Variants in PPP1R12A observed in about 807,000 individuals in gnomAD.
The protein encoded by PPP1R12A is myosin binding subunit.
Under a neutral mutation model 139.6 loss-of-function variants are expected in PPP1R12A, and 19 were observed. The observed-to-expected ratio is 0.14, with a 90% CI of 0.09 to 0.20. The LOEUF is 0.20. Ranked by LOEUF, PPP1R12A falls within the 10% of genes least tolerant of loss-of-function variation. The probability of loss-of-function intolerance (pLI) is 1.00; values close to 1 mark genes in which losing one functional copy is unlikely to be tolerated. For missense variants in PPP1R12A, 925 were observed against 1,211.5 expected (o/e 0.76, Z 3.51); for synonymous variants, 427 against 420.6 (o/e 1.02, Z -0.19).
In PPP1R12A at chr12:79,809,822, A is replaced by C. The variant is rs773701225; in HGVS notation, c.1428T>G (p.Leu476=). The change falls in exon 10 of 25, where the codon CTT becomes CTG. Residue 476 remains leucine, a synonymous_variant. Transcript: ENST00000450142. ...GVTRSASSPR[L]SSSLDNKEKE... is the part of the protein sequence containing the mutation. ...TTTCTTTATTATCCAAAGAGGAGGA[A>C]AGTCTGGGACTTGAAGCTGAACGTG... The C allele has an allele frequency of 6.2e-7, 1 of 1,613,110 alleles. No homozygotes were observed. Among genetic ancestry groups the C allele is most frequent in the Non-Finnish European group, 8.5e-7 (1 of 1,179,344 alleles).
intron 19 of PPP1R12A, among the ~76,000 whole-genome samples, chr12:79,792,785 GT>G (rs1306153095): frequency 1.3e-5 from 2 of 152,086 alleles, no homozygotes; most frequent in South Asian, 2.1e-4. Context: ...CTCCCCTCTT[GT>G]TTAATAAAGA....
chr12:79,878,977 T>C (rs888527913), intron 1 of PPP1R12A, among the ~76,000 whole-genome samples: 2 of 152,216 alleles, frequency 1.3e-5, no homozygotes, highest in African/African-American at 2.4e-5. Context: ...CACTTTTATT[T>C]TCTTCCTTAA....
intron 21 of PPP1R12A, chr12:79,787,531 A>G (rs1430421245): frequency 2.0e-5 from 3 of 151,814 alleles, no homozygotes; most frequent in Admixed American, 6.6e-5. Context: ...TTTTTTTGAG[A>G]TAACAGTTTT....
Position 79,817,496 on chromosome 12 carries a change from A to G in PPP1R12A, c.1137T>C (p.Ser379=). 1 of 1,596,148 alleles carries G rather than the reference A, an allele frequency of 6.3e-7. No individual in the cohort carries two copies. The highest frequency in any genetic ancestry group is 8.5e-7 in the Non-Finnish European group (1 of 1,169,806). ...AETDKTKPLA[S]VTNANTSSTQ... is the part of the protein sequence containing the mutation. Reference sequence around the variant, plus strand: ...TACTAGAAGTGTTGGCATTAGTTACAGAAGCCAGGGGTTTTGTCTTATCTA... The same window carrying G: ...TACTAGAAGTGTTGGCATTAGTTACGGAAGCCAGGGGTTTTGTCTTATCTA... Residue 379 remains serine (S), a synonymous_variant, in exon 9 of 25, where the codon TCT becomes TCC. Coordinates refer to ENST00000450142, the MANE Select transcript of PPP1R12A (RefSeq NM_002480.3).
intron 12 of PPP1R12A, 54 bp from the exon 13 acceptor site, chr12:79,806,387 T>A: frequency 6.8e-7 from 1 of 1,481,006 alleles, no homozygotes; most frequent in Non-Finnish European, 9.2e-7. Flanking sequence ...TATTCTATAG[T>A]TAATGTCTAT....
In PPP1R12A at chr12:79,886,790, A is replaced by G. The variant is rs765459912; in HGVS notation, c.238-13852T>C. 3.4e-4 allele frequency among the ~76,000 whole-genome samples: 52 copies of G among 152,232 alleles called. 2 individuals carry two copies. The highest frequency in any genetic ancestry group is 3.3e-4 in the Admixed American group (5 of 15,282). Reference sequence around the variant, plus strand: ...CATTCAACAAATACTATATATTTGAATGAGAATGCCAAAAACTAGAAACCA... The same window carrying G: ...CATTCAACAAATACTATATATTTGAGTGAGAATGCCAAAAACTAGAAACCA... On this transcript the variant is annotated intron_variant, in intron 1 of 24. Coordinates refer to ENST00000450142, the MANE Select transcript of PPP1R12A (RefSeq NM_002480.3).
At chr12:79,823,962 G>A (rs1876457602) in intron 5 of PPP1R12A, 1 of 152,150 alleles carries the variant, frequency 6.6e-6, no homozygotes, top group Admixed American at 6.6e-5. Flanking sequence ...AAATTTACAA[G>A]ATTCGAAAAT....
chr12:79,891,793 T>A (rs1365899636), intron 1 of PPP1R12A, among the ~76,000 whole-genome samples: 1 of 152,186 alleles, frequency 6.6e-6, no homozygotes, highest in Non-Finnish European at 1.5e-5. Context: ...AAGCCAAATG[T>A]CATGCTGGAA....
intron 11 of PPP1R12A, among the ~76,000 whole-genome samples, chr12:79,807,807 G>A (rs1051354941): frequency 6.6e-6 from 1 of 152,010 alleles, no homozygotes; most frequent in South Asian, 2.1e-4. Context: ...GAGAGGCCGA[G>A]ACAGGTGGAT....
intron 3 of PPP1R12A, among the ~76,000 whole-genome samples, chr12:79,835,202 C>T (rs566116161): frequency 6.6e-6 from 1 of 152,254 alleles, no homozygotes; most frequent in African/African-American, 2.4e-5. Context: ...CTTTTGGACT[C>T]TGGGACTTGC....
chr12:79,834,551 C>CT (rs1247505258), intron 3 of PPP1R12A, among the ~76,000 whole-genome samples: 3 of 152,102 alleles, frequency 2.0e-5, no homozygotes, highest in African/African-American at 7.2e-5. Flanking sequence ...AGAGAATTTG[C>CT]TGTTAGTTTG....
At position 79,775,285 on chromosome 12, in the gene PPP1R12A, T is replaced by C. The variant is rs1399148429; in HGVS notation, c.*644A>G. ...ATATTGCACAAACAGTGAAAGCATATGTTCCACCAAGCAATTCAGTTCCAG... is the reference window on the plus strand; with the variant it reads ...ATATTGCACAAACAGTGAAAGCATACGTTCCACCAAGCAATTCAGTTCCAG... On this transcript the variant is annotated 3_prime_UTR_variant, in exon 25 of 25. Coordinates refer to ENST00000450142, the MANE Select transcript of PPP1R12A (RefSeq NM_002480.3). The C allele has an allele frequency of 6.6e-6, 1 of 152,504 alleles. No homozygotes were observed. Among genetic ancestry groups the C allele is most frequent in the Non-Finnish European group, 1.5e-5 (1 of 67,984 alleles). 9.4% of individuals were successfully genotyped at this position (152,504 alleles called of 1,614,324 possible). A position where few individuals can be genotyped will look rare whatever the true frequency, so the allele number is the denominator to read the frequency against.
At chr12:79,912,866 T>C (rs1016594374) in intron 1 of PPP1R12A, among the ~76,000 whole-genome samples, 1 of 152,182 alleles carries the variant, frequency 6.6e-6, no homozygotes, top group Non-Finnish European at 1.5e-5. Context: ...TGTTAATCCA[T>C]AGAGTACGTT....
intron 13 of PPP1R12A, 40 bp downstream of exon 13, chr12:79,806,126 C>T (rs769068138): frequency 6.3e-7 from 1 of 1,594,644 alleles, no homozygotes; most frequent in African/African-American, 1.3e-5. Context: ...CATACATAAG[C>T]ACACAGTAGA....
intron 1 of PPP1R12A, among the ~76,000 whole-genome samples, chr12:79,916,939 G>A (rs1164735722): frequency 6.6e-6 from 1 of 150,750 alleles, no homozygotes; most frequent in Non-Finnish European, 1.5e-5. Flanking sequence ...AGATCCAAAA[G>A]TAACATAATT....
chr12:79,790,952 A>G (rs1170078422), intron 19 of PPP1R12A, among the ~76,000 whole-genome samples: 1 of 152,152 alleles, frequency 6.6e-6, no homozygotes, highest in Non-Finnish European at 1.5e-5. Context: ...ATACTGTAAA[A>G]TTACTAGGTT....
chr12:79,892,308 C>G (rs1884727166), intron 1 of PPP1R12A, among the ~76,000 whole-genome samples: 1 of 152,040 alleles, frequency 6.6e-6, no homozygotes, highest in African/African-American at 2.4e-5. Flanking sequence ...TTAAACATGC[C>G]CAATCCGAAA....
intron 2 of PPP1R12A, among the ~76,000 whole-genome samples, chr12:79,866,692 T>C (rs1882000688): frequency 6.6e-6 from 1 of 152,180 alleles, no homozygotes; most frequent in Admixed American, 6.5e-5. Flanking sequence ...AGAAGACATT[T>C]ATGCAGCCAA....
intron 1 of PPP1R12A, among the ~76,000 whole-genome samples, chr12:79,902,615 T>C (rs1885751628): frequency 6.6e-6 from 1 of 151,992 alleles, no homozygotes; most frequent in South Asian, 2.1e-4. Flanking sequence ...GGTACATAGG[T>C]GTATATATTA....
Sources: allele counts gnomAD v4.1 joint callset (sites outside exome capture counted in the v4.1 genomes callset), GRCh38; gene constraint gnomAD v4.1.1; transcripts MANE v1.5; gene names NCBI Gene and HGNC (gene_info 2026-07-23, HGNC 2026-07-21).